ZCWPW2: variants seen among roughly 807,000 people sequenced by gnomAD.
ZCWPW2 encodes zinc finger CW-type and PWWP domain containing 2.
Under a neutral mutation model 46.6 loss-of-function variants are expected in ZCWPW2, and 45 were observed. The observed-to-expected ratio is 0.96, with a 90% CI of 0.76 to 1.24. The LOEUF (loss-of-function observed/expected upper bound fraction) is 1.24. Ranked by LOEUF, ZCWPW2 falls within the 50% of genes most tolerant of loss-of-function variation. ZCWPW2 has a pLI of 0.00. For synonymous variants in ZCWPW2, 152 were observed against 137.1 expected (o/e 1.11, Z -0.76); for missense variants, 429 against 403.9 (o/e 1.06, Z -0.53).
chr3:28,368,438 G>T (rs1299916703), intron 1 of ZCWPW2, among the ~76,000 whole-genome samples: 1 of 152,152 alleles, frequency 6.6e-6, no homozygotes, highest in Non-Finnish European at 1.5e-5. Context: ...GGCTGGATAT[G>T]AAATGCTGGG....
intron 3 of ZCWPW2, chr3:28,428,095 A>C (rs1697092715): frequency 6.6e-6 from 1 of 152,162 alleles, no homozygotes; most frequent in African/African-American, 2.4e-5. Flanking sequence ...GTAAATTTCC[A>C]ATGTAAGTTT....
intron 1 of ZCWPW2, 21 bp downstream of exon 1, chr3:28,349,224 C>T: frequency 1.0e-6 from 1 of 984,822 alleles, no homozygotes; most frequent in Non-Finnish European, 1.2e-6. Flanking sequence ...TACCAGCCGT[C>T]TTGTCTGTTG....
chr3:28,518,204 T>A (rs1279668994), intron 8 of ZCWPW2, among the ~76,000 whole-genome samples: 2 of 141,328 alleles, frequency 1.4e-5, no homozygotes, highest in African/African-American at 2.6e-5. Flanking sequence ...TTCTTTCATT[T>A]CTTTTTTTTT....
At chr3:28,404,829 G>A (rs1453137872) in intron 2 of ZCWPW2, among the ~76,000 whole-genome samples, 1 of 152,190 alleles carries the variant, frequency 6.6e-6, no homozygotes, top group East Asian at 1.9e-4. Flanking sequence ...GCTAATCTAT[G>A]AGGATGCAAA....
rs1400929450 is a variant in ZCWPW2, at chr3:28,348,948, GA to G, written c.-386del. ...GGCCGGAGGGAGGGGAAGCACTCCGGAAAGTGATTGGAAGTGTGGATGAGCT... is the reference window on the plus strand; with the variant it reads ...GGCCGGAGGGAGGGGAAGCACTCCGGAAGTGATTGGAAGTGTGGATGAGCT... On this transcript the variant is annotated 5_prime_UTR_variant, in exon 1 of 10. Transcript: ENST00000383768. 1 of 985,468 alleles carries G rather than the reference GA, an allele frequency of 1.0e-6. No individual in the cohort carries two copies. Among genetic ancestry groups the G allele is most frequent in the East Asian group, 1.1e-4 (1 of 8,810 alleles). 61.0% of individuals were successfully genotyped at this position (985,468 alleles called of 1,614,324 possible). A position where few individuals can be genotyped will look rare whatever the true frequency, so the allele number is the denominator to read the frequency against.
chr3:28,507,630 T>C (rs1700312812), intron 6 of ZCWPW2, among the ~76,000 whole-genome samples: 1 of 152,180 alleles, frequency 6.6e-6, no homozygotes, highest in South Asian at 2.1e-4. Context: ...TCAGTGAATG[T>C]GGTCTATAAA....
At position 28,404,547 on chromosome 3, in the gene ZCWPW2, T is replaced by G. The variant is rs529020089; in HGVS notation, c.-13-8509T>G. ...GGCTCTCTACCCAGAGAGAAAAAAG[T>G]TATTATATGAAAAATGTACCTGCAC... On this transcript the variant is annotated intron_variant, in intron 2 of 9. Coordinates refer to ENST00000383768, the MANE Select transcript of ZCWPW2 (RefSeq NM_001040432.4). Among the ~76,000 whole-genome samples, 7 of 152,238 alleles carry G rather than the reference T, an allele frequency of 4.6e-5. No individual in the cohort carries two copies. In the South Asian group the frequency reaches 1.4e-3, roughly 32 times the overall value.
chr3:28,355,306 C>A (rs932767982), intron 1 of ZCWPW2, among the ~76,000 whole-genome samples: 3 of 152,160 alleles, frequency 2.0e-5, no homozygotes, highest in African/African-American at 7.2e-5. Flanking sequence ...TGTGAAGGAC[C>A]TCTTCAAGGA....
intron 3 of ZCWPW2, among the ~76,000 whole-genome samples, chr3:28,414,473 G>T (rs141979502): frequency 1.5e-4 from 23 of 150,644 alleles, no homozygotes; most frequent in Admixed American, 3.3e-4. Context: ...TATTATTATT[G>T]TACTTTAAGT....
At chr3:28,479,957 A>G (rs1465258106) in intron 5 of ZCWPW2, among the ~76,000 whole-genome samples, 1 of 151,988 alleles carries the variant, frequency 6.6e-6, no homozygotes, top group Non-Finnish European at 1.5e-5. Context: ...TTCTTTATCC[A>G]CATTTTCTTT....
chr3:28,430,896 T>A (rs1697228623), intron 3 of ZCWPW2, among the ~76,000 whole-genome samples: 1 of 152,188 alleles, frequency 6.6e-6, no homozygotes, highest in Non-Finnish European at 1.5e-5. Context: ...GCCTCCCCAG[T>A]CATGTGGAAC....
At chr3:28,409,555 T>A (rs1696313089) in intron 2 of ZCWPW2, among the ~76,000 whole-genome samples, 1 of 152,118 alleles carries the variant, frequency 6.6e-6, no homozygotes, top group African/African-American at 2.4e-5. Flanking sequence ...AATTTTGAGG[T>A]ATAAATGCAA....
Position 28,514,217 on chromosome 3 carries a change from C to A in ZCWPW2, c.716+95C>A, listed in dbSNP as rs1575227975. 9 of 787,728 alleles carry A rather than the reference C, an allele frequency of 1.1e-5. No individual in the cohort carries two copies. In the East Asian group the frequency reaches 5.1e-4, roughly 45 times the overall value. 48.8% of individuals were successfully genotyped at this position (787,728 alleles called of 1,614,324 possible). On this transcript the variant is annotated intron_variant, in intron 7 of 9. Coordinates refer to ENST00000383768, the MANE Select transcript of ZCWPW2 (RefSeq NM_001040432.4). ...CCCGGCTAATAACCCTAAACAACATCTTTACGTCTAGTCAACCACTGCATA... is the reference window on the plus strand; with the variant it reads ...CCCGGCTAATAACCCTAAACAACATATTTACGTCTAGTCAACCACTGCATA...
intron 4 of ZCWPW2, among the ~76,000 whole-genome samples, chr3:28,441,448 A>G (rs1697754768): frequency 6.6e-6 from 1 of 152,158 alleles, no homozygotes; most frequent in African/African-American, 2.4e-5. Context: ...GCCTACTGGG[A>G]AGATTACCAT....
At chr3:28,400,752 C>T (rs1229557636) in intron 2 of ZCWPW2, among the ~76,000 whole-genome samples, 2 of 152,174 alleles carry the variant, frequency 1.3e-5, no homozygotes, top group Non-Finnish European at 2.9e-5. Flanking sequence ...AGATAATTCG[C>T]CACTACCAAG....
Position 28,413,112 on chromosome 3 carries a change from A to ACTT in ZCWPW2, c.44_45insCTT (p.Tyr15_Ala16insPhe). On this transcript the variant is annotated inframe_insertion, in exon 3 of 10. Transcript: ENST00000383768. ...GATGTTAAGATTGAATATTGTAACT[A>ACTT]TGCAATGGATTCCTCAGTGGAAAAC... The ACTT allele has an allele frequency of 6.2e-7, 1 of 1,612,810 alleles. No individual in the cohort carries two copies. Among genetic ancestry groups the ACTT allele is most frequent in the South Asian group, 1.1e-5 (1 of 91,020 alleles).
intron 4 of ZCWPW2, among the ~76,000 whole-genome samples, chr3:28,468,077 G>A (rs1477292028): frequency 6.6e-6 from 1 of 152,060 alleles, no homozygotes; most frequent in Non-Finnish European, 1.5e-5. Flanking sequence ...ATAACACAGA[G>A]AAGGAATTTC....
intron 1 of ZCWPW2, among the ~76,000 whole-genome samples, chr3:28,383,567 T>G (rs748335210): frequency 2.7e-4 from 41 of 151,654 alleles, no homozygotes; most frequent in African/African-American, 9.9e-4. Flanking sequence ...TTTTTTTTTC[T>G]ACTTTATAAG....
chr3:28,378,535 T>C (rs960536622), intron 1 of ZCWPW2, among the ~76,000 whole-genome samples: 1 of 152,090 alleles, frequency 6.6e-6, no homozygotes, highest in African/African-American at 2.4e-5. Context: ...ATTATTACCA[T>C]CAACATATAC....
Sources: allele counts gnomAD v4.1 joint callset (sites outside exome capture counted in the v4.1 genomes callset), GRCh38; gene constraint gnomAD v4.1.1; transcripts MANE v1.5; gene names NCBI Gene and HGNC (gene_info 2026-07-23, HGNC 2026-07-21).